Variants in DOK6 observed in about 807,000 individuals in gnomAD.
DOK6 encodes downstream of tyrosine kinase 6.
Under a neutral mutation model 44.0 loss-of-function variants are expected in DOK6, and 22 were observed. The observed-to-expected ratio is 0.50, with a 90% CI of 0.36 to 0.71. The LOEUF (loss-of-function observed/expected upper bound fraction) is 0.71. DOK6 is among the 30% of genes least tolerant of loss of function. The pLI is 0.00. For missense variants in DOK6, 340 were observed against 416.4 expected (o/e 0.82, Z 1.60); for synonymous variants, 166 against 145.5 (o/e 1.14, Z -1.01).
At chr18:69,722,945 T>C (rs571646026) in intron 5 of DOK6, among the ~76,000 whole-genome samples, 43 of 152,314 alleles carry the variant, frequency 2.8e-4, no homozygotes, top group African/African-American at 9.9e-4. Context: ...GTTTTCTTAC[T>C]CTTTGTGCTA....
intron 5 of DOK6, among the ~76,000 whole-genome samples, chr18:69,727,098 A>G (rs1249280184): frequency 6.6e-6 from 1 of 152,092 alleles, no homozygotes; most frequent in African/African-American, 2.4e-5. Context: ...GGCTCAAGCA[A>G]TCCTCCTTCT....
intron 1 of DOK6, among the ~76,000 whole-genome samples, chr18:69,534,458 C>G (rs1033504424): frequency 6.6e-6 from 1 of 152,032 alleles, no homozygotes; most frequent in African/African-American, 2.4e-5. Context: ...CCTTCTCAAG[C>G]CCAATGTAAT....
chr18:69,512,332 C>CTTCTTTTTT (rs59109570), intron 1 of DOK6, among the ~76,000 whole-genome samples: 1 of 91,690 alleles, frequency 1.1e-5, no homozygotes, highest in African/African-American at 4.7e-5. Flanking sequence ...CTTTCTTCTT[C>CTTCTTTTTT]TTTTTTTTTT....
At chr18:69,742,277 G>A (rs980858207) in intron 6 of DOK6, among the ~76,000 whole-genome samples, 1 of 151,966 alleles carries the variant, frequency 6.6e-6, no homozygotes, top group African/African-American at 2.4e-5. Context: ...AGCCAGGCAT[G>A]GTGGCACATG....
intron 2 of DOK6, among the ~76,000 whole-genome samples, chr18:69,587,398 T>A (rs990636117): frequency 6.6e-6 from 1 of 152,082 alleles, no homozygotes; most frequent in Non-Finnish European, 1.5e-5. Flanking sequence ...GTCTCAAATC[T>A]CCCTCTCCTC....
intron 1 of DOK6, among the ~76,000 whole-genome samples, chr18:69,424,962 A>G (rs986087895): frequency 9.2e-5 from 14 of 152,218 alleles, no homozygotes; most frequent in African/African-American, 3.1e-4. Context: ...GTCTCAGAAT[A>G]CTTGCCATCA....
intron 1 of DOK6, among the ~76,000 whole-genome samples, chr18:69,501,470 C>T (rs1174717929): frequency 6.6e-6 from 1 of 152,152 alleles, no homozygotes; most frequent in East Asian, 1.9e-4. Context: ...TCCAGCACCA[C>T]AGCCAACATC....
intron 1 of DOK6, among the ~76,000 whole-genome samples, chr18:69,422,299 G>C (rs1442110792): frequency 1.3e-5 from 2 of 152,130 alleles, no homozygotes; most frequent in Admixed American, 6.5e-5. Flanking sequence ...TTTTATTAGT[G>C]CTTCTCAAAA....
chr18:69,657,579 T>C (rs1006219834), intron 3 of DOK6, among the ~76,000 whole-genome samples: 2 of 152,208 alleles, frequency 1.3e-5, no homozygotes, highest in Non-Finnish European at 2.9e-5. Flanking sequence ...AGGCGAAAGC[T>C]ACCAAAGAAA....
At chr18:69,706,117 GTT>G (rs1986628230) in intron 5 of DOK6, among the ~76,000 whole-genome samples, 1 of 152,150 alleles carries the variant, frequency 6.6e-6, no homozygotes, top group Non-Finnish European at 1.5e-5. Flanking sequence ...AACCATTTGT[GTT>G]GGCTAATTGG....
chr18:69,724,281 C>T (rs1978295740), intron 5 of DOK6, among the ~76,000 whole-genome samples: 1 of 152,090 alleles, frequency 6.6e-6, no homozygotes, highest in Non-Finnish European at 1.5e-5. Context: ...ATAATTCATC[C>T]TTACATACAA....
chr18:69,457,112 G>T (rs1979653428), intron 1 of DOK6, among the ~76,000 whole-genome samples: 1 of 152,136 alleles, frequency 6.6e-6, no homozygotes, highest in East Asian at 1.9e-4. Context: ...TATTTACTAT[G>T]TTGATAGTTT....
chr18:69,802,476 AAGATGTTATGGTTTGGATGTTTTGT>A (rs1980930777), intron 7 of DOK6, among the ~76,000 whole-genome samples: 1 of 152,164 alleles, frequency 6.6e-6, no homozygotes, highest in Non-Finnish European at 1.5e-5. Context: ...ATTAAAATGC[AAGATGTTATGGTTTGGATGTTTTGT>A]CACCTCCAAA....
At chr18:69,727,721 A>C (rs1173032384) in intron 5 of DOK6, among the ~76,000 whole-genome samples, 1 of 152,228 alleles carries the variant, frequency 6.6e-6, no homozygotes, top group Non-Finnish European at 1.5e-5. Flanking sequence ...GATGCTTTAC[A>C]ACTGTAGCAG....
At chr18:69,487,494 C>T (rs1164645792) in intron 1 of DOK6, among the ~76,000 whole-genome samples, 1 of 152,020 alleles carries the variant, frequency 6.6e-6, no homozygotes, top group Non-Finnish European at 1.5e-5. Context: ...CAGGTTTATA[C>T]TTTGATGTGA....
chr18:69,614,322 AT>A (rs988296739), intron 3 of DOK6, among the ~76,000 whole-genome samples: 2 of 152,164 alleles, frequency 1.3e-5, no homozygotes, highest in Non-Finnish European at 2.9e-5. Context: ...TTCAAAAAAA[AT>A]CATCCTTGAA....
chr18:69,509,185 A>G (rs1032887199), intron 1 of DOK6, among the ~76,000 whole-genome samples: 3 of 151,794 alleles, frequency 2.0e-5, no homozygotes, highest in Non-Finnish European at 2.9e-5. Flanking sequence ...CTTTTTTTCT[A>G]CTCCTCAAAA....
At chr18:69,482,774 G>T (rs72957482) in intron 1 of DOK6, among the ~76,000 whole-genome samples, 36,259 of 151,652 alleles carry the variant, frequency 0.24, 4,758 homozygotes, top group East Asian at 0.53. Context: ...GAAACTATAT[G>T]AAAAAGGATG....
At chr18:69,717,621 G>A (rs547397400) in intron 5 of DOK6, among the ~76,000 whole-genome samples, 1 of 152,278 alleles carries the variant, frequency 6.6e-6, no homozygotes, top group Non-Finnish European at 1.5e-5. Flanking sequence ...GAGGGAAACT[G>A]GCTAAGAGCC....
Sources: allele counts gnomAD v4.1 joint callset (sites outside exome capture counted in the v4.1 genomes callset), GRCh38; gene constraint gnomAD v4.1.1; transcripts MANE v1.5; gene names NCBI Gene and HGNC (gene_info 2026-07-23, HGNC 2026-07-21).